PRKCE: variants seen among roughly 807,000 people sequenced by gnomAD.
PRKCE encodes protein kinase C epsilon type.
In PRKCE, 16 loss-of-function variants were observed where a neutral mutation model predicts 85.4. The ratio of observed to expected loss-of-function variants is 0.19; its 90% CI spans 0.13 to 0.28. PRKCE has a LOEUF of 0.28. Ranked by LOEUF, PRKCE falls within the 10% of genes least tolerant of loss-of-function variation. The probability of loss-of-function intolerance (pLI) is 1.00; values close to 1 mark genes in which losing one functional copy is unlikely to be tolerated. For synonymous variants in PRKCE, 388 were observed against 371.5 expected (o/e 1.04, Z -0.51); for missense variants, 573 against 975.2 (o/e 0.59, Z 5.49).
At chr2:45,704,592 G>A (rs958493430) in intron 1 of PRKCE, among the ~76,000 whole-genome samples, 4 of 152,168 alleles carry the variant, frequency 2.6e-5, no homozygotes, top group Non-Finnish European at 5.9e-5. Context: ...AACTCTGCCA[G>A]TTACTCTCTG....
intron 2 of PRKCE, among the ~76,000 whole-genome samples, chr2:45,928,236 A>G (rs1698774807): frequency 6.6e-6 from 1 of 152,176 alleles, no homozygotes; most frequent in African/African-American, 2.4e-5. Flanking sequence ...TATAGTTCAG[A>G]CTCAAAGCTA....
intron 10 of PRKCE, among the ~76,000 whole-genome samples, chr2:46,026,909 C>G (rs112726703): frequency 7.9e-5 from 12 of 152,116 alleles, no homozygotes; most frequent in African/African-American, 2.9e-4. Context: ...AGCAAGGGGC[C>G]GGGTGTGGTG....
At chr2:45,931,329 C>T (rs530616779) in intron 2 of PRKCE, among the ~76,000 whole-genome samples, 1 of 152,340 alleles carries the variant, frequency 6.6e-6, no homozygotes, top group South Asian at 2.1e-4. Context: ...AGAGTTCCTG[C>T]TTTCAGGGAG....
intron 1 of PRKCE, among the ~76,000 whole-genome samples, chr2:45,813,537 T>C (rs899992151): frequency 1.3e-5 from 2 of 152,094 alleles, no homozygotes; most frequent in African/African-American, 4.8e-5. Context: ...ATGTGGGACA[T>C]GAGAGTTGAG....
At position 45,867,841 on chromosome 2, in the gene PRKCE, T is replaced by A. The variant is rs149636570; in HGVS notation, c.412+24778T>A. 2.3e-3 allele frequency among the ~76,000 whole-genome samples: 345 copies of A among 152,346 alleles called. 3 individuals are homozygous for A. Among genetic ancestry groups the A allele is most frequent in the African/African-American group, 8.2e-3 (339 of 41,568 alleles). ...CTTGTGAAAGGAGCAAAAGACCTGA[T>A]GGAGCTGTTGTTTGGGGGCCTTTCA... On this transcript the variant is annotated intron_variant, in intron 2 of 14. Transcript: ENST00000306156.
intron 1 of PRKCE, among the ~76,000 whole-genome samples, chr2:45,781,164 C>G (rs901131678): frequency 6.7e-6 from 1 of 150,240 alleles, no homozygotes; most frequent in African/African-American, 2.5e-5. Flanking sequence ...GAGACCCCCC[C>G]ATCTCTACAA....
chr2:45,934,773 G>T (rs1045082534), intron 2 of PRKCE, among the ~76,000 whole-genome samples: 3 of 151,966 alleles, frequency 2.0e-5, no homozygotes, highest in Admixed American at 1.3e-4. Flanking sequence ...CCACAATTGG[G>T]CTGGGCATGG....
At position 46,041,814 on chromosome 2, in the gene PRKCE, C is replaced by T. The variant is rs868789808; in HGVS notation, c.1437+31297C>T. Reference sequence around the variant, plus strand: ...GAATTTGCCCTAAAACTGTTCTGCACGGCCAACAATTTGATGTTGAAAAAA... The same window carrying T: ...GAATTTGCCCTAAAACTGTTCTGCATGGCCAACAATTTGATGTTGAAAAAA... On this transcript the variant is annotated intron_variant, in intron 10 of 14. Transcript: ENST00000306156. This position sits in a 1 kb window ranked among gnomAD's most constrained non-coding sequence, Gnocchi z 5.5. Among the ~76,000 whole-genome samples, 2 of 152,180 alleles carry T rather than the reference C, an allele frequency of 1.3e-5. No individual in the cohort carries two copies. The highest frequency in any genetic ancestry group is 2.9e-5 in the Non-Finnish European group (2 of 68,036).
In PRKCE at chr2:45,895,566, G is replaced by A. The variant is rs1696072844; in HGVS notation, c.412+52503G>A. ...AATTAATTCTTCTTCAATTTGGTTAGAGGAAAAAAATGCTTTTCTGAGTTT... is the reference window on the plus strand; with the variant it reads ...AATTAATTCTTCTTCAATTTGGTTAAAGGAAAAAAATGCTTTTCTGAGTTT... On this transcript the variant is annotated intron_variant, in intron 2 of 14. Coordinates refer to ENST00000306156, the MANE Select transcript of PRKCE (RefSeq NM_005400.3). The surrounding 1 kb of genome is among the most constrained non-coding windows in gnomAD (Gnocchi z 4.8). Among the ~76,000 whole-genome samples, 1 of 151,524 alleles carries A rather than the reference G, an allele frequency of 6.6e-6. No individual in the cohort carries two copies. The highest frequency in any genetic ancestry group is 2.1e-4 in the South Asian group (1 of 4,828).
At chr2:45,949,933 C>A (rs1700514281) in intron 2 of PRKCE, among the ~76,000 whole-genome samples, 1 of 150,716 alleles carries the variant, frequency 6.6e-6, no homozygotes, top group Non-Finnish European at 1.5e-5. Context: ...TTATTCTTAT[C>A]AAATTTTTTG....
At chr2:45,822,919 G>A (rs550178171) in intron 1 of PRKCE, among the ~76,000 whole-genome samples, 91 of 152,292 alleles carry the variant, frequency 6.0e-4, no homozygotes, top group Non-Finnish European at 4.6e-4. Context: ...ATTGGTATGG[G>A]ATGGCCAAAA....
intron 1 of PRKCE, among the ~76,000 whole-genome samples, chr2:45,837,101 A>G (rs1690945707): frequency 6.6e-6 from 1 of 152,216 alleles, no homozygotes; most frequent in Non-Finnish European, 1.5e-5. Flanking sequence ...TAACCTGTGG[A>G]TCACGGGGGG....
intron 2 of PRKCE, among the ~76,000 whole-genome samples, chr2:45,862,776 T>C (rs1379369737): frequency 6.6e-6 from 1 of 152,200 alleles, no homozygotes; most frequent in African/African-American, 2.4e-5. Context: ...TGTGTTTATA[T>C]GTGTGTGGTG....
At chr2:46,055,109 G>C (rs151163710) in intron 10 of PRKCE, among the ~76,000 whole-genome samples, 1 of 152,148 alleles carries the variant, frequency 6.6e-6, no homozygotes, top group African/African-American at 2.4e-5. Flanking sequence ...GTATGCAGGC[G>C]CAAAAGGCCG....
chr2:45,921,368 A>G (rs1181345645), intron 2 of PRKCE, among the ~76,000 whole-genome samples: 2 of 152,278 alleles, frequency 1.3e-5, no homozygotes, highest in African/African-American at 4.8e-5. Flanking sequence ...ATACGTAGAT[A>G]TAGTTAGCAG....
chr2:46,016,353 G>T (rs568671790), intron 10 of PRKCE, among the ~76,000 whole-genome samples: 4 of 151,538 alleles, frequency 2.6e-5, no homozygotes, highest in Admixed American at 2.0e-4. Flanking sequence ...ATGAGCTGGC[G>T]GTTCTCTGGC....
chr2:45,744,432 T>C (rs1237601707), intron 1 of PRKCE, among the ~76,000 whole-genome samples: 1 of 38,014 alleles, frequency 2.6e-5, no homozygotes, highest in Non-Finnish European at 4.9e-5. Context: ...TTTCTTTCTT[T>C]CTTTCTTTCT....
At chr2:46,065,257 C>A (rs933250312) in intron 10 of PRKCE, among the ~76,000 whole-genome samples, 6 of 151,874 alleles carry the variant, frequency 4.0e-5, no homozygotes, top group African/African-American at 1.5e-4. Context: ...TGCTGTTTAT[C>A]TAGTATTCAG....
At chr2:45,883,418 A>G (rs1166583369) in intron 2 of PRKCE, among the ~76,000 whole-genome samples, 2 of 152,170 alleles carry the variant, frequency 1.3e-5, no homozygotes, top group African/African-American at 2.4e-5. Flanking sequence ...AGCTGTGGCC[A>G]GTGTCTAATG....
Sources: gnomAD v4.1 joint callset for allele counts (sites outside exome capture counted in the v4.1 genomes callset) on GRCh38, gnomAD v4.1.1 for gene constraint, Gnocchi (gnomAD v3.1) non-coding constraint, MANE v1.5 for transcripts, NCBI Gene and HGNC (gene_info 2026-07-23, HGNC 2026-07-21) for gene names.